The following KISS1 variants were observed in gnomAD, a reference collection of about 807,000 sequenced individuals.
KISS1 encodes the protein metastasis-suppressor KiSS-1.
For missense variants in KISS1, 182 were observed against 182.7 expected (o/e 1.00, Z 0.02); for synonymous variants, 97 against 88.7 (o/e 1.09, Z -0.52).
In KISS1 at chr1:204,192,925, G is replaced by C; in HGVS notation, c.-38-11C>G. 7.8e-7 allele frequency: 1 copy of C among 1,289,620 alleles called. No individual in the cohort carries two copies. Among genetic ancestry groups the C allele is most frequent in the Non-Finnish European group, 1.1e-6 (1 of 907,410 alleles). 79.9% of individuals were successfully genotyped at this position (1,289,620 alleles called of 1,614,324 possible). ...AGAAGTGCCTTGAGGCTGAGACAGAGAGAGGGAACAAAGACTAGGTCAGGC... is the reference window on the plus strand; with the variant it reads ...AGAAGTGCCTTGAGGCTGAGACAGACAGAGGGAACAAAGACTAGGTCAGGC... On this transcript the variant is annotated splice_polypyrimidine_tract_variant and intron_variant, in intron 1 of 2. Transcript: ENST00000367194. The surrounding 1 kb of genome is among the most constrained non-coding windows in gnomAD (Gnocchi z 4.2).
Position 204,192,698 on chromosome 1 carries a change from G to T in KISS1, c.103+76C>A. On this transcript the variant is annotated intron_variant, in intron 2 of 2. Transcript: ENST00000367194. The surrounding 1 kb of genome is among the most constrained non-coding windows in gnomAD (Gnocchi z 4.2). ...ATGTTAAACTCACACCAGTCGACTAGATGGAAAATACGGGAAAGCTCATTT... is the reference window on the plus strand; with the variant it reads ...ATGTTAAACTCACACCAGTCGACTATATGGAAAATACGGGAAAGCTCATTT... 1.1e-6 allele frequency: 1 copy of T among 880,962 alleles called. No homozygotes were observed. Among genetic ancestry groups the T allele is most frequent in the Non-Finnish European group, 1.9e-6 (1 of 534,318 alleles). 54.6% of individuals were successfully genotyped at this position (880,962 alleles called of 1,614,324 possible).
At chr1:204,195,322 GCCACACACACCACACACGCATA>G (rs1658832028) in intron 1 of KISS1, among the ~76,000 whole-genome samples, 1 of 3,104 alleles carries the variant, frequency 3.2e-4, no homozygotes, top group South Asian at 0.017. Flanking sequence ...ATACACATAT[GCCACACACACCACACACGCATA>G]CACACCACAC....
Position 204,196,426 on chromosome 1 carries a change from C to T in KISS1, c.-89G>A, listed in dbSNP as rs3924587. 14,908 of 152,376 alleles carry T rather than the reference C, an allele frequency of 0.098. 757 individuals carry two copies. The highest frequency in any genetic ancestry group is 0.12 in the African/African-American group (5,017 of 41,522). 9.4% of individuals were successfully genotyped at this position (152,376 alleles called of 1,614,324 possible). A position where few individuals can be genotyped will look rare whatever the true frequency, so the allele number is the denominator to read the frequency against. On this transcript the variant is annotated 5_prime_UTR_variant, in exon 1 of 3. Transcript: ENST00000367194. ...GAGTCTGGCGGAGCCTCTGAGGTGA[C>T]GAGACCACCTGGCTGGGTGAATGTC...
At chr1:204,193,278 G>C (rs764142203) in intron 1 of KISS1, among the ~76,000 whole-genome samples, 10 of 152,272 alleles carry the variant, frequency 6.6e-5, no homozygotes, top group Non-Finnish European at 1.5e-4. Flanking sequence ...AGGAATGTTT[G>C]AGAAAGGTGG....
In KISS1 at chr1:204,190,429, C is replaced by CCCCCCTGCTCTGACT; in HGVS notation, c.*54_*55insAGTCAGAGCAGGGGG. 1.0e-6 allele frequency: 1 copy of CCCCCCTGCTCTGACT among 998,578 alleles called. No individual in the cohort carries two copies. Among genetic ancestry groups the CCCCCCTGCTCTGACT allele is most frequent in the Non-Finnish European group, 1.5e-6 (1 of 661,878 alleles). 61.9% of individuals were successfully genotyped at this position (998,578 alleles called of 1,614,324 possible). A position where few individuals can be genotyped will look rare whatever the true frequency, so the allele number is the denominator to read the frequency against. ...CTACGTCCCCGCCCCCCGCCCCCGC[C>CCCCCCTGCTCTGACT]CCGCATGCTCTGACTCCTTTGGGGT... On this transcript the variant is annotated 3_prime_UTR_variant, in exon 3 of 3. Transcript: ENST00000367194.
intron 2 of KISS1, among the ~76,000 whole-genome samples, chr1:204,191,813 C>T (rs887782806): frequency 5.3e-5 from 8 of 152,202 alleles, no homozygotes; most frequent in African/African-American, 1.9e-4. Context: ...CAGTTGCGCA[C>T]GCTAGACCAG....
intron 1 of KISS1, among the ~76,000 whole-genome samples, chr1:204,193,821 A>G (rs1571666595): frequency 6.6e-6 from 1 of 151,290 alleles, no homozygotes; most frequent in Non-Finnish European, 1.5e-5. Flanking sequence ...CACATACCCC[A>G]CCCTACCTCT....
chr1:204,194,676 G>A (rs575306898), intron 1 of KISS1, among the ~76,000 whole-genome samples: 1 of 152,274 alleles, frequency 6.6e-6, no homozygotes, highest in South Asian at 2.1e-4. Context: ...GAGTCCAGGG[G>A]AACCCAACCT....
intron 1 of KISS1, among the ~76,000 whole-genome samples, chr1:204,195,313 T>TCATACAC (rs1558254800): frequency 0.015 from 54 of 3,654 alleles, no homozygotes; most frequent in Admixed American, 0.022. Context: ...TACACACACA[T>TCATACAC]ACACATATGC....
chr1:204,192,955 G>T lies in KISS1; in HGVS notation c.-38-41C>A. Reference sequence around the variant, plus strand: ...GGAACAAAGACTAGGTCAGGCACAGGATCTGGGCTGGGTGCTGAGGGCAGA... The same window carrying T: ...GGAACAAAGACTAGGTCAGGCACAGTATCTGGGCTGGGTGCTGAGGGCAGA... On this transcript the variant is annotated intron_variant, in intron 1 of 2. Transcript: ENST00000367194. This position sits in a 1 kb window ranked among gnomAD's most constrained non-coding sequence, Gnocchi z 4.2. 1.0e-6 allele frequency: 1 copy of T among 1,000,856 alleles called. No homozygotes were observed. Among genetic ancestry groups the T allele is most frequent in the Non-Finnish European group, 1.5e-6 (1 of 649,596 alleles). 62.0% of individuals were successfully genotyped at this position (1,000,856 alleles called of 1,614,324 possible).
At chr1:204,196,303 C>T (rs2102332011) in intron 1 of KISS1, 73 bp downstream of exon 1, 1 of 152,516 alleles carries the variant, frequency 6.6e-6, no homozygotes, top group African/African-American at 2.4e-5. Flanking sequence ...GAACGGATTC[C>T]CTGCTCCCCT....
Position 204,190,474 on chromosome 1 carries a change from A to C in KISS1, c.*10T>G, listed in dbSNP as rs913920504. The C allele has an allele frequency of 1.3e-6, 2 of 1,501,586 alleles. No individual in the cohort carries two copies. Among genetic ancestry groups the C allele is most frequent in the African/African-American group, 3.3e-5 (2 of 60,152 alleles). 93.0% of individuals were successfully genotyped at this position (1,501,586 alleles called of 1,614,324 possible). ...TGGGGTCTGAAGTTCACTGCCCCGCACCTGCGCCCTCAGCCCCGCCCAGCG... is the reference window on the plus strand; with the variant it reads ...TGGGGTCTGAAGTTCACTGCCCCGCCCCTGCGCCCTCAGCCCCGCCCAGCG... On this transcript the variant is annotated 3_prime_UTR_variant, in exon 3 of 3. Coordinates refer to ENST00000367194, the MANE Select transcript of KISS1 (RefSeq NM_002256.4).
chr1:204,191,546 T>C (rs1427243241), intron 2 of KISS1, among the ~76,000 whole-genome samples: 1 of 152,216 alleles, frequency 6.6e-6, no homozygotes, highest in Non-Finnish European at 1.5e-5. Context: ...GGCTGTAAAA[T>C]AGGGCAACTA....
At chr1:204,191,602 T>G (rs554945093) in intron 2 of KISS1, among the ~76,000 whole-genome samples, 5 of 152,270 alleles carry the variant, frequency 3.3e-5, no homozygotes, top group African/African-American at 1.2e-4. Flanking sequence ...AAGAGATTAG[T>G]GGAAATGAGG....
At chr1:204,194,319 C>A (rs1658797924) in intron 1 of KISS1, among the ~76,000 whole-genome samples, 1 of 152,222 alleles carries the variant, frequency 6.6e-6, no homozygotes, top group African/African-American at 2.4e-5. Context: ...TCCTTGCAGA[C>A]TTTGATACTG....
chr1:204,194,746 C>T (rs1215437716), intron 1 of KISS1, among the ~76,000 whole-genome samples: 1 of 152,126 alleles, frequency 6.6e-6, no homozygotes, highest in Non-Finnish European at 1.5e-5. Context: ...GAGCATGAAT[C>T]GCTGAAAGGT....
intron 1 of KISS1, among the ~76,000 whole-genome samples, chr1:204,195,256 CATCAT>C (rs1658825718): frequency 2.3e-5 from 2 of 87,710 alleles, no homozygotes; most frequent in Non-Finnish European, 2.5e-5. Flanking sequence ...CATACACACA[CATCAT>C]ACACACACAC....
Position 204,192,920 on chromosome 1 carries a change from A to T in KISS1, c.-38-6T>A. The T allele has an allele frequency of 1.5e-6, 2 of 1,330,490 alleles. No homozygotes were observed. Among genetic ancestry groups the T allele is most frequent in the South Asian group, 2.5e-5 (2 of 80,070 alleles). 82.4% of individuals were successfully genotyped at this position (1,330,490 alleles called of 1,614,324 possible). On this transcript the variant is annotated splice_polypyrimidine_tract_variant and splice_region_variant and intron_variant, in intron 1 of 2. Transcript: ENST00000367194. The surrounding 1 kb of genome is among the most constrained non-coding windows in gnomAD (Gnocchi z 4.2). ...GTCCTAGAAGTGCCTTGAGGCTGAG[A>T]CAGAGAGAGGGAACAAAGACTAGGT...
In KISS1 at chr1:204,190,431, C is replaced by CCCA; in HGVS notation, c.*52_*53insTGG. On this transcript the variant is annotated 3_prime_UTR_variant, in exon 3 of 3. Transcript: ENST00000367194. ...ACGTCCCCGCCCCCCGCCCCCGCCC[C>CCCA]GCATGCTCTGACTCCTTTGGGGTCT... 2 of 1,130,796 alleles carry CCCA rather than the reference C, an allele frequency of 1.8e-6. No homozygotes were observed. Among genetic ancestry groups the CCCA allele is most frequent in the Non-Finnish European group, 2.6e-6 (2 of 780,988 alleles). The allele number at this position is 1,130,796 out of a possible 1,614,324, so 70.0% of individuals were successfully genotyped here. A position where few individuals can be genotyped will look rare whatever the true frequency, so the allele number is the denominator to read the frequency against.
Sources: gnomAD v4.1 joint callset for allele counts (sites outside exome capture counted in the v4.1 genomes callset) on GRCh38, gnomAD v4.1.1 for gene constraint, Gnocchi (gnomAD v3.1) non-coding constraint, MANE v1.5 for transcripts, NCBI Gene and HGNC (gene_info 2026-07-23, HGNC 2026-07-21) for gene names.